Variants in PTPRT observed in about 807,000 individuals in gnomAD.
PTPRT encodes protein tyrosine phosphatase receptor type T.
PTPRT carries 56 observed loss-of-function variants against 176.8 expected under a neutral mutation model. That is an observed-to-expected ratio of 0.32 (90% CI 0.26 to 0.40). The LOEUF (loss-of-function observed/expected upper bound fraction) is 0.40, where lower values mean the gene tolerates loss of function less well. PTPRT is among the 10% of genes least tolerant of loss of function. The probability of loss-of-function intolerance (pLI) is 1.00; values close to 1 mark genes in which losing one functional copy is unlikely to be tolerated. For synonymous variants in PTPRT, 783 were observed against 739.0 expected (o/e 1.06, Z -0.96); for missense variants, 1,540 against 1,908.2 (o/e 0.81, Z 3.60).
intron 1 of PTPRT, among the ~76,000 whole-genome samples, chr20:42,984,332 A>C (rs538421028): frequency 6.6e-6 from 1 of 152,364 alleles, no homozygotes; most frequent in East Asian, 1.9e-4. Context: ...GACAGACAGA[A>C]AAAGTCCTGA....
At chr20:42,444,918 C>T (rs1234187912) in intron 9 of PTPRT, among the ~76,000 whole-genome samples, 1 of 152,076 alleles carries the variant, frequency 6.6e-6, no homozygotes, top group Admixed American at 6.6e-5. Flanking sequence ...TGGGTTGAGC[C>T]CAGAGTAACA....
intron 6 of PTPRT, among the ~76,000 whole-genome samples, chr20:42,691,568 G>C (rs1388651769): frequency 6.6e-6 from 1 of 152,134 alleles, no homozygotes; most frequent in African/African-American, 2.4e-5. Flanking sequence ...TTTGTGGGAA[G>C]AGTTTAAGAG....
chr20:42,614,919 TTTC>T (rs1053797020), intron 7 of PTPRT, among the ~76,000 whole-genome samples: 1 of 139,136 alleles, frequency 7.2e-6, no homozygotes, highest in Non-Finnish European at 1.5e-5. Context: ...TTTTTGTTGT[TTTC>T]TTTTTTTTTT....
intron 1 of PTPRT, among the ~76,000 whole-genome samples, chr20:43,061,412 G>T (rs1193971838): frequency 6.6e-6 from 1 of 152,104 alleles, no homozygotes; most frequent in Non-Finnish European, 1.5e-5. Context: ...AATGTGCTCG[G>T]CCTCATGTTG....
chr20:42,539,247 T>C (rs1373806273), intron 7 of PTPRT, among the ~76,000 whole-genome samples: 1 of 152,122 alleles, frequency 6.6e-6, no homozygotes, highest in Non-Finnish European at 1.5e-5. Context: ...CTTGAGGGTA[T>C]AGACTTAGGA....
intron 1 of PTPRT, among the ~76,000 whole-genome samples, chr20:43,074,956 A>G (rs1002894046): frequency 1.3e-5 from 2 of 152,212 alleles, no homozygotes; most frequent in African/African-American, 4.8e-5. Context: ...GCTTACTTCA[A>G]CTGCGAAAGC....
At position 42,316,128 on chromosome 20, in the gene PTPRT, G is replaced by C. The variant is rs2057718354; in HGVS notation, c.1866-132C>G. 3 of 1,022,506 alleles carry C rather than the reference G, an allele frequency of 2.9e-6. No homozygotes were observed. In the African/African-American group the frequency reaches 4.8e-5, roughly 16 times the overall value. The allele number at this position is 1,022,506 out of a possible 1,614,324, so 63.3% of individuals were successfully genotyped here. ...CGGTCTACAACAAAACTCCAGTCCT[G>C]AGCATCAGATTTTCAAACCTACCAC... On this transcript the variant is annotated intron_variant, in intron 11 of 30. Transcript: ENST00000373187.
In PTPRT at chr20:43,094,065, TTC is replaced by T. The variant is rs1194084473; in HGVS notation, c.88+95579_88+95580del. Among the ~76,000 whole-genome samples the T allele has an allele frequency of 7.3e-5, 11 of 151,330 alleles. No individual in the cohort carries two copies. In the East Asian group the frequency reaches 1.2e-3, roughly 16 times the overall value. On this transcript the variant is annotated intron_variant, in intron 1 of 30. Coordinates refer to ENST00000373187, the MANE Select transcript of PTPRT (RefSeq NM_007050.6). Reference sequence around the variant, plus strand: ...AGACACTTCATCACAATCCTATTTCTTCTCTGTTTTTTTCTTTCTTTCTTTCT... The same window carrying T: ...AGACACTTCATCACAATCCTATTTCTTCTGTTTTTTTCTTTCTTTCTTTCT...
intron 17 of PTPRT, among the ~76,000 whole-genome samples, chr20:42,143,210 T>C (rs1568966815): frequency 1.3e-5 from 2 of 152,110 alleles, no homozygotes; most frequent in African/African-American, 4.8e-5. Flanking sequence ...GGCTCATGTA[T>C]GGAACACAGG....
chr20:42,223,140 C>A (rs780543315), intron 15 of PTPRT, among the ~76,000 whole-genome samples: 1 of 152,084 alleles, frequency 6.6e-6, no homozygotes, highest in South Asian at 2.1e-4. Flanking sequence ...ACAACACTTA[C>A]GTGAAAGTAC....
At chr20:43,041,793 T>C (rs762178089) in intron 1 of PTPRT, among the ~76,000 whole-genome samples, 6 of 152,256 alleles carry the variant, frequency 3.9e-5, no homozygotes, top group Non-Finnish European at 8.8e-5. Context: ...TATTGGAACA[T>C]AGCTAAGCTT....
chr20:42,046,498 A>G, the PTPRT span, among the ~76,000 whole-genome samples: 5 of 152,238 alleles, frequency 3.3e-5, no homozygotes, highest in African/African-American at 7.2e-5. Flanking sequence ...AGCTTCTGAC[A>G]TTAACCCCAG....
At chr20:42,247,373 C>T (rs2056470514) in intron 14 of PTPRT, among the ~76,000 whole-genome samples, 1 of 152,148 alleles carries the variant, frequency 6.6e-6, no homozygotes, top group African/African-American at 2.4e-5. Context: ...CCTAGTATTT[C>T]TAAATCACTG....
At chr20:42,513,201 GGTGTGTGTGTGTGTGTGT>G (rs58268839) in intron 7 of PTPRT, among the ~76,000 whole-genome samples, 5 of 144,564 alleles carry the variant, frequency 3.5e-5, no homozygotes, top group Admixed American at 1.4e-4. Context: ...CTATTGATGG[GGTGTGTGTGTGTGTGTGT>G]GTGTGTGTGT....
chr20:43,022,600 G>C (rs1420468908), intron 1 of PTPRT, among the ~76,000 whole-genome samples: 7 of 152,210 alleles, frequency 4.6e-5, no homozygotes, highest in African/African-American at 1.7e-4. Context: ...CTGATTCCAA[G>C]AGCTGAGCAT....
At chr20:42,728,098 T>C (rs2146254996) in intron 6 of PTPRT, among the ~76,000 whole-genome samples, 1 of 152,290 alleles carries the variant, frequency 6.6e-6, no homozygotes, top group South Asian at 2.1e-4. Context: ...TATTGCCCAT[T>C]ATGTTTGCTC....
At chr20:42,745,993 C>G (rs1000689910) in intron 6 of PTPRT, among the ~76,000 whole-genome samples, 47 of 152,282 alleles carry the variant, frequency 3.1e-4, no homozygotes, top group African/African-American at 1.1e-3. Flanking sequence ...TGTTCCATAC[C>G]TCAGATCATT....
chr20:42,362,987 T>G (rs1183218764), intron 9 of PTPRT, among the ~76,000 whole-genome samples: 2 of 149,562 alleles, frequency 1.3e-5, no homozygotes, highest in Non-Finnish European at 3.0e-5. Flanking sequence ...GCGCGGGTAA[T>G]CCTAGCTACT....
At chr20:42,144,952 T>C (rs1201896653) in intron 17 of PTPRT, among the ~76,000 whole-genome samples, 1 of 152,220 alleles carries the variant, frequency 6.6e-6, no homozygotes, top group Non-Finnish European at 1.5e-5. Flanking sequence ...AACAGGCCAG[T>C]GCTCATGCAT....
Sources: allele counts gnomAD v4.1 joint callset (sites outside exome capture counted in the v4.1 genomes callset), GRCh38; gene constraint gnomAD v4.1.1; transcripts MANE v1.5; gene names NCBI Gene and HGNC (gene_info 2026-07-23, HGNC 2026-07-21).